BAZ2B: variants seen among roughly 807,000 people sequenced by gnomAD.
BAZ2B encodes the protein bromodomain adjacent to zinc finger domain protein 2B.
In BAZ2B, 91 loss-of-function variants were observed where a neutral mutation model predicts 246.0. That is an observed-to-expected ratio of 0.37 (90% CI 0.31 to 0.44). The LOEUF is 0.44. BAZ2B is among the 20% of genes least tolerant of loss of function. The probability of loss-of-function intolerance (pLI) is 1.00; values close to 1 mark genes in which losing one functional copy is unlikely to be tolerated. For synonymous variants in BAZ2B, 855 were observed against 860.0 expected (o/e 0.99, Z 0.10); for missense variants, 2,332 against 2,533.7 (o/e 0.92, Z 1.71).
chr2:159,325,745 C>T lies in BAZ2B; in HGVS notation c.6117G>A (p.Glu2039=). 6.3e-7 allele frequency: 1 copy of T among 1,597,482 alleles called. No homozygotes were observed. Among genetic ancestry groups the T allele is most frequent in the Non-Finnish European group, 8.5e-7 (1 of 1,176,122 alleles). The change falls in exon 35 of 37, where the codon GAG becomes GAA. Residue 2039 remains glutamate (E), a synonymous_variant. Transcript: ENST00000392783. The part of the protein sequence containing the change: ...GNKDLKKRKM[E]ENTSINLSKQ... ...TTGACAAGTTAATAGAAGTGTTTTC[C>T]TCCATTTTTCTTTTCTTGAGGTCTT...
the BAZ2B span, among the ~76,000 whole-genome samples, chr2:159,676,084 G>A: frequency 6.6e-6 from 1 of 152,092 alleles, no homozygotes; most frequent in Admixed American, 6.5e-5. Context: ...TAGTAATGAT[G>A]AGGTTTCACC....
intron 2 of BAZ2B, among the ~76,000 whole-genome samples, chr2:159,544,499 GAGA>G (rs1383891471): frequency 6.6e-6 from 1 of 152,168 alleles, no homozygotes; most frequent in Non-Finnish European, 1.5e-5. Flanking sequence ...ATATAAAGAG[GAGA>G]AGGTTTCTGG....
intron 2 of BAZ2B, among the ~76,000 whole-genome samples, chr2:159,523,575 A>G (rs961456373): frequency 1.3e-5 from 2 of 150,774 alleles, no homozygotes; most frequent in African/African-American, 4.9e-5. Flanking sequence ...ATGGTGGCGC[A>G]TGCCTGTAGT....
chr2:159,595,239 A>G (rs1241572561), intron 1 of BAZ2B, among the ~76,000 whole-genome samples: 2 of 151,988 alleles, frequency 1.3e-5, no homozygotes, highest in African/African-American at 4.8e-5. Context: ...AGTAGCTGGG[A>G]TCACAGGCAT....
In BAZ2B at chr2:159,419,360, C is replaced by T. The variant is rs547649966; in HGVS notation, c.2467-6815G>A. On this transcript the variant is annotated intron_variant, in intron 13 of 36. Transcript: ENST00000392783. ...TTGACAATTCACATAAAAAAATTAA[C>T]ATCATGAGAAAAAAATCAAAATTTT... Among the ~76,000 whole-genome samples, 3 of 152,248 alleles carry T rather than the reference C, an allele frequency of 2.0e-5. No individual in the cohort carries two copies. In the South Asian group the frequency reaches 6.2e-4, roughly 32 times the overall value.
At chr2:159,627,074 T>C in the BAZ2B span, among the ~76,000 whole-genome samples, 6 of 151,986 alleles carry the variant, frequency 3.9e-5, no homozygotes, top group Admixed American at 2.0e-4. Flanking sequence ...CTAGAAGAAA[T>C]GGATAATTTC....
At chr2:159,367,190 G>A (rs1460634465) in intron 27 of BAZ2B, among the ~76,000 whole-genome samples, 1 of 152,170 alleles carries the variant, frequency 6.6e-6, no homozygotes, top group Non-Finnish European at 1.5e-5. Flanking sequence ...GACTAACCTC[G>A]AAATATATAG....
intron 2 of BAZ2B, among the ~76,000 whole-genome samples, chr2:159,526,392 A>G (rs973406638): frequency 1.3e-5 from 2 of 152,298 alleles, no homozygotes; most frequent in African/African-American, 4.8e-5. Flanking sequence ...ATACATGCAC[A>G]TAAAAAGTCA....
chr2:159,468,978 G>A (rs2077429633), intron 3 of BAZ2B, among the ~76,000 whole-genome samples: 1 of 150,860 alleles, frequency 6.6e-6, no homozygotes, highest in African/African-American at 2.4e-5. Flanking sequence ...TTGAACACGG[G>A]AGGCAGAGGT....
intron 2 of BAZ2B, among the ~76,000 whole-genome samples, chr2:159,547,996 T>C (rs913526809): frequency 3.9e-5 from 6 of 152,200 alleles, no homozygotes; most frequent in African/African-American, 1.4e-4. Flanking sequence ...TTGTTAAATG[T>C]TAAAACAGTA....
intron 2 of BAZ2B, among the ~76,000 whole-genome samples, chr2:159,533,953 C>T (rs984859731): frequency 1.3e-5 from 2 of 152,186 alleles, no homozygotes; most frequent in Admixed American, 6.5e-5. Flanking sequence ...TAAAACTGAA[C>T]TGTAATCTGA....
chr2:159,663,855 CTTTTTTTTTTTTTTTT>C, the BAZ2B span, among the ~76,000 whole-genome samples: 11 of 92,482 alleles, frequency 1.2e-4, no homozygotes, highest in Admixed American at 3.0e-4. Flanking sequence ...AAACCATTTT[CTTTTTTTTTTTTTTTT>C]TTTTTTTTTT....
chr2:159,651,295 A>G, the BAZ2B span, among the ~76,000 whole-genome samples: 3 of 152,188 alleles, frequency 2.0e-5, no homozygotes, highest in African/African-American at 7.2e-5. Context: ...CATTTCAATC[A>G]AGGGGAGTTA....
chr2:159,482,068 T>C (rs559831786), intron 2 of BAZ2B, among the ~76,000 whole-genome samples: 1 of 151,270 alleles, frequency 6.6e-6, no homozygotes, highest in African/African-American at 2.4e-5. Context: ...GGATGAAAAA[T>C]ATATGTGAAC....
chr2:159,443,792 G>A (rs2073848503), intron 6 of BAZ2B, among the ~76,000 whole-genome samples: 1 of 152,056 alleles, frequency 6.6e-6, no homozygotes. Context: ...TTTTCAGTAT[G>A]TTCTCCTAGT....
chr2:159,526,179 G>T (rs377589093), intron 2 of BAZ2B, among the ~76,000 whole-genome samples: 5 of 152,046 alleles, frequency 3.3e-5, no homozygotes, highest in Non-Finnish European at 7.4e-5. Context: ...AAATTTATTG[G>T]ACTTCAAAGC....
At chr2:159,617,573 G>C (rs1696231634), upstream of BAZ2B, among the ~76,000 whole-genome samples, 1 of 151,864 alleles carries the variant, frequency 6.6e-6, no homozygotes, top group Non-Finnish European at 1.5e-5. Context: ...TTAATTTTCA[G>C]GATGAAGAGT....
At chr2:159,649,143 G>A in the BAZ2B span, among the ~76,000 whole-genome samples, 4 of 151,908 alleles carry the variant, frequency 2.6e-5, no homozygotes, top group Admixed American at 6.6e-5. Context: ...TGTTCAACTC[G>A]TTGGCCATTT....
chr2:159,640,982 T>C, the BAZ2B span, among the ~76,000 whole-genome samples: 9 of 142,968 alleles, frequency 6.3e-5, 1 homozygote, highest in South Asian at 1.8e-3. Context: ...AAAATAAAAT[T>C]GACAAACCTT....
Sources: gnomAD v4.1 joint callset for allele counts (sites outside exome capture counted in the v4.1 genomes callset) on GRCh38, gnomAD v4.1.1 for gene constraint, MANE v1.5 for transcripts, NCBI Gene and HGNC (gene_info 2026-07-23, HGNC 2026-07-21) for gene names.